ARHGAP35: variants seen among roughly 807,000 people sequenced by gnomAD.
The protein encoded by ARHGAP35 is rho GTPase-activating protein 35.
ARHGAP35 carries 15 observed loss-of-function variants against 111.1 expected under a neutral mutation model. The observed-to-expected ratio is 0.13, with a 90% confidence interval of 0.09 to 0.21. The LOEUF (loss-of-function observed/expected upper bound fraction) is 0.21, where lower values mean the gene tolerates loss of function less well. Ranked by LOEUF, ARHGAP35 falls within the 10% of genes least tolerant of loss-of-function variation. The probability of loss-of-function intolerance (pLI) is 1.00; values close to 1 mark genes in which losing one functional copy is unlikely to be tolerated. For missense variants in ARHGAP35, 1,262 were observed against 1,873.0 expected (o/e 0.67, Z 6.02); for synonymous variants, 643 against 710.3 (o/e 0.91, Z 1.51).
chr19:46,891,452 G>C (rs1055600983), intron 1 of ARHGAP35, among the ~76,000 whole-genome samples: 2 of 149,398 alleles, frequency 1.3e-5, no homozygotes, highest in Non-Finnish European at 3.0e-5. Context: ...TTTTTAGATG[G>C]AGTCTCGCTC....
intron 1 of ARHGAP35, among the ~76,000 whole-genome samples, chr19:46,884,493 CTT>C (rs923415995): frequency 8.0e-4 from 89 of 111,918 alleles, no homozygotes; most frequent in African/African-American, 2.6e-3. Flanking sequence ...TGATGATATC[CTT>C]TTTTTTTTTT....
At chr19:46,865,214 G>A (rs773435692) in intron 1 of ARHGAP35, among the ~76,000 whole-genome samples, 1 of 152,210 alleles carries the variant, frequency 6.6e-6, no homozygotes, top group Non-Finnish European at 1.5e-5. Context: ...GGGGACTGGA[G>A]CAGGAGATGG....
chr19:46,937,171 A>T, intron 2 of ARHGAP35, 93 bp from the exon 3 acceptor site: 1 of 1,444,586 alleles, frequency 6.9e-7, no homozygotes, highest in Non-Finnish European at 9.5e-7. Flanking sequence ...CAGTTTTTAT[A>T]CCACTGCTTC....
intron 3 of ARHGAP35, among the ~76,000 whole-genome samples, chr19:46,946,122 G>C (rs2056378095): frequency 6.6e-6 from 1 of 152,238 alleles, no homozygotes; most frequent in Admixed American, 6.5e-5. Context: ...GGAATGAAAA[G>C]CTGTCTGAAG....
At chr19:46,977,633 G>A (rs2056586677) in intron 3 of ARHGAP35, among the ~76,000 whole-genome samples, 1 of 152,214 alleles carries the variant, frequency 6.6e-6, no homozygotes, top group Admixed American at 6.5e-5. Context: ...CAGGGGACCA[G>A]CATTAAGCAG....
chr19:46,911,457 G>A (rs890455424), intron 1 of ARHGAP35, among the ~76,000 whole-genome samples: 1 of 152,250 alleles, frequency 6.6e-6, no homozygotes, highest in African/African-American at 2.4e-5. Context: ...TTGGGTGATG[G>A]ACAGTTCAGT....
intron 1 of ARHGAP35, among the ~76,000 whole-genome samples, chr19:46,862,931 C>G (rs1400575074): frequency 6.6e-6 from 1 of 152,136 alleles, no homozygotes; most frequent in Non-Finnish European, 1.5e-5. Context: ...CTTAATCATT[C>G]TTTCCTATGT....
intron 1 of ARHGAP35, among the ~76,000 whole-genome samples, chr19:46,870,311 G>A (rs1370557248): frequency 6.6e-6 from 1 of 151,644 alleles, no homozygotes; most frequent in Non-Finnish European, 1.5e-5. Flanking sequence ...GGGCACGGTG[G>A]CTCATGCCTG....
rs1042078934 is a variant in ARHGAP35 at position 46,981,193 on chromosome 19, G to A, written c.3827-6796G>A. ...CTCCCTGAGTGCTCAGCACCCCTCC[G>A]GCCTTGCAGTTTAGCCTGCCTTAGA... On this transcript the variant is annotated intron_variant, in intron 3 of 6. Coordinates refer to ENST00000672722, the MANE Select transcript of ARHGAP35 (RefSeq NM_004491.5). Among the ~76,000 whole-genome samples, 12 of 152,158 alleles carry A rather than the reference G, an allele frequency of 7.9e-5. No individual in the cohort carries two copies. In the East Asian group the frequency reaches 1.5e-3, roughly 20 times the overall value.
chr19:46,887,394 A>G (rs2055997782), intron 1 of ARHGAP35, among the ~76,000 whole-genome samples: 2 of 152,156 alleles, frequency 1.3e-5, no homozygotes, highest in African/African-American at 2.4e-5. Context: ...TTTTTGTGCT[A>G]ATTTCTTAGT....
intron 5 of ARHGAP35, among the ~76,000 whole-genome samples, chr19:46,991,234 T>C (rs1233264552): frequency 1.3e-5 from 2 of 152,208 alleles, no homozygotes; most frequent in East Asian, 3.8e-4. Flanking sequence ...CCACGGAAGC[T>C]TGTCTCACAG....
Position 46,919,863 on chromosome 19 carries a change from C to T in ARHGAP35, c.1188C>T (p.Asn396=), listed in dbSNP as rs200505736. ...TPWDATSHID[N]MENERIPFDL... is the part of the protein sequence containing the mutation. ...GGGATGCCACCAGTCACATTGACAACATGGAAAACGAACGGATTCCCTTTG... is the reference window on the plus strand; with the variant it reads ...GGGATGCCACCAGTCACATTGACAATATGGAAAACGAACGGATTCCCTTTG... Residue 396 remains asparagine (N), a synonymous_variant, in exon 2 of 7, where the codon AAC becomes AAT. Transcript: ENST00000672722. This position sits in a 1 kb window ranked among gnomAD's most constrained non-coding sequence, Gnocchi z 6.2. The T allele has an allele frequency of 8.1e-4, 1,311 of 1,613,884 alleles. 1 individual carries two copies. Among genetic ancestry groups the T allele is most frequent in the Non-Finnish European group, 1.0e-3 (1,229 of 1,179,898 alleles).
In ARHGAP35 at chr19:46,992,762, A is replaced by C. The variant is rs971301669; in HGVS notation, c.4036+3087A>C. Among the ~76,000 whole-genome samples, 9 of 152,108 alleles carry C rather than the reference A, an allele frequency of 5.9e-5. No homozygotes were observed. The highest frequency in any genetic ancestry group is 2.2e-4 in the African/African-American group (9 of 41,410). On this transcript the variant is annotated intron_variant, in intron 5 of 6. Transcript: ENST00000672722. This position sits in a 1 kb window ranked among gnomAD's most constrained non-coding sequence, Gnocchi z 4.4. The stretch of plus-strand genomic sequence containing the variant: ...AGGAGAGACCAGTCATTTTCATCAC[A>C]TTGTTGAAGGGGATGTGTGACCCGA...
intron 1 of ARHGAP35, among the ~76,000 whole-genome samples, chr19:46,915,996 C>T (rs555145951): frequency 2.1e-4 from 29 of 138,856 alleles, no homozygotes; most frequent in Non-Finnish European, 9.1e-5. Context: ...AGTGCAGTGG[C>T]GTGTCTCGGC....
Position 46,992,399 on chromosome 19 carries a change from C to T in ARHGAP35, c.4036+2724C>T, listed in dbSNP as rs141772680. Among the ~76,000 whole-genome samples the T allele has an allele frequency of 9.9e-5, 15 of 152,262 alleles. No homozygotes were observed. The East Asian group carries it at 2.7e-3, about 27-fold the overall frequency. ...TGCACAAACCCCAGCAAGGAAGGCG[C>T]GAGGAAGAGGGCTTCACAGGGGAGA... On this transcript the variant is annotated intron_variant, in intron 5 of 6. Coordinates refer to ENST00000672722, the MANE Select transcript of ARHGAP35 (RefSeq NM_004491.5). The surrounding 1 kb of genome is among the most constrained non-coding windows in gnomAD (Gnocchi z 4.4).
chr19:46,933,137 CTTTTTTT>C (rs1174653724), intron 2 of ARHGAP35, among the ~76,000 whole-genome samples: 1 of 99,544 alleles, frequency 1.0e-5, no homozygotes, highest in African/African-American at 4.2e-5. Context: ...AGTGTGCCTT[CTTTTTTT>C]TTTTTTTTTT....
chr19:46,971,823 A>G (rs1357671891), intron 3 of ARHGAP35, among the ~76,000 whole-genome samples: 2 of 151,522 alleles, frequency 1.3e-5, no homozygotes, highest in Non-Finnish European at 2.9e-5. Context: ...ATCCTTCCCT[A>G]CAGAGAGGTG....
rs2056183998 is a variant in ARHGAP35 at position 46,919,503 on chromosome 19, G to A, written c.828G>A (p.Lys276=). 6.2e-7 allele frequency: 1 copy of A among 1,613,980 alleles called. No homozygotes were observed. Among genetic ancestry groups the A allele is most frequent in the Non-Finnish European group, 8.5e-7 (1 of 1,179,894 alleles). Residue 276 remains lysine, a synonymous_variant, in exon 2 of 7, where the codon AAG becomes AAA. Coordinates refer to ENST00000672722, the MANE Select transcript of ARHGAP35 (RefSeq NM_004491.5). The surrounding 1 kb of genome is among the most constrained non-coding windows in gnomAD (Gnocchi z 6.2). ...QSQQIATAKD[K]YEWLVSRIVK... is the part of the protein sequence containing the mutation. ...AGCAGATAGCTACAGCAAAAGACAA[G>A]TATGAGTGGCTGGTGAGTCGCATTG...
At chr19:46,949,582 G>A (rs1032373707) in intron 3 of ARHGAP35, among the ~76,000 whole-genome samples, 1 of 152,164 alleles carries the variant, frequency 6.6e-6, no homozygotes, top group African/African-American at 2.4e-5. Flanking sequence ...CATTTGTACC[G>A]TGAACTCGTT....
Sources: gnomAD v4.1 joint callset for allele counts (sites outside exome capture counted in the v4.1 genomes callset) on GRCh38, gnomAD v4.1.1 for gene constraint, Gnocchi (gnomAD v3.1) non-coding constraint, MANE v1.5 for transcripts, NCBI Gene and HGNC (gene_info 2026-07-23, HGNC 2026-07-21) for gene names.